CACNA1H: variants seen among roughly 807,000 people sequenced by gnomAD.
CACNA1H encodes calcium voltage-gated channel subunit alpha1 H, also known as voltage-dependent T-type calcium channel subunit alpha-1H.
CACNA1H carries 149 observed loss-of-function variants against 192.5 expected under a neutral mutation model. That is an observed-to-expected ratio of 0.77 (90% CI 0.68 to 0.89). The LOEUF (loss-of-function observed/expected upper bound fraction) is 0.89. Ranked by LOEUF, CACNA1H falls within the 40% of genes least tolerant of loss-of-function variation. The pLI is 0.00. For synonymous variants in CACNA1H, 2,202 were observed against 1,475.2 expected (o/e 1.49, Z -11.29); for missense variants, 4,257 against 3,423.5 (o/e 1.24, Z -6.08).
chr16:1,197,278 G>A (rs1039231568), intron 5 of CACNA1H, among the ~76,000 whole-genome samples: 1 of 152,264 alleles, frequency 6.6e-6, no homozygotes, highest in Non-Finnish European at 1.5e-5. Flanking sequence ...GGGTGGCTGA[G>A]CGTGCGGTGA....
chr16:1,219,251 C>G, intron 34 of CACNA1H, 121 bp downstream of exon 34: 1 of 983,550 alleles, frequency 1.0e-6, no homozygotes, highest in Non-Finnish European at 1.4e-6. Flanking sequence ...GCACTGGGTC[C>G]TTGGGGCTCC....
chr16:1,219,995 C>G lies in CACNA1H; in HGVS notation c.6063C>G (p.Thr2021=), dbSNP rs780400494. The G allele has an allele frequency of 1.5e-6, 2 of 1,342,716 alleles. No homozygotes were observed. The highest frequency in any genetic ancestry group is 1.9e-6 in the Non-Finnish European group (2 of 1,043,628). 83.2% of individuals were successfully genotyped at this position (1,342,716 alleles called of 1,614,324 possible). A position where few individuals can be genotyped will look rare whatever the true frequency, so the allele number is the denominator to read the frequency against. Residue 2021 remains threonine (T), a synonymous_variant, in exon 35 of 35, where the codon ACC becomes ACG. Coordinates refer to ENST00000348261, the MANE Select transcript of CACNA1H (RefSeq NM_021098.3). ...RLLCRQEAVH[T]DSLEGKIDSP... The stretch of plus-strand genomic sequence containing the variant: ...CGCCCCCACAGGAGGCTGTGCACAC[C>G]GATTCCTTGGAAGGGAAGATTGACA...
At chr16:1,186,356 C>T (rs957209691) in intron 2 of CACNA1H, among the ~76,000 whole-genome samples, 4 of 152,136 alleles carry the variant, frequency 2.6e-5, no homozygotes, top group African/African-American at 9.6e-5. Context: ...CTGCCGTGAC[C>T]GCACAGGCCC....
intron 31 of CACNA1H, among the ~76,000 whole-genome samples, chr16:1,217,660 A>G (rs993344080): frequency 6.6e-6 from 1 of 152,166 alleles, no homozygotes; most frequent in Non-Finnish European, 1.5e-5. Context: ...GACACACACA[A>G]TAATGATTCT....
chr16:1,208,268 C>A, intron 16 of CACNA1H, 47 bp downstream of exon 16: 1 of 1,378,624 alleles, frequency 7.3e-7, no homozygotes, highest in Non-Finnish European at 1.0e-6. Flanking sequence ...TCAGGTTTTC[C>A]CTGCCTGGCT....
intron 2 of CACNA1H, among the ~76,000 whole-genome samples, chr16:1,191,383 A>C (rs77845363): frequency 0.01 from 781 of 77,108 alleles, 19 homozygotes; most frequent in African/African-American, 0.026. Context: ...GTGTGGCCTC[A>C]GGCACACTCG....
In CACNA1H at chr16:1,208,422, C is replaced by T. The variant is rs568605786; in HGVS notation, c.3363+201C>T. Among the ~76,000 whole-genome samples the T allele has an allele frequency of 3.6e-4, 55 of 152,296 alleles. 1 individual carries two copies. Among genetic ancestry groups the T allele is most frequent in the Admixed American group, 1.5e-3 (23 of 15,300 alleles). ...GTTGTGTGAGGCCGGTGTGAAGGGG[C>T]AGACGCGGAAGCTCTGTGCGCCCAA... On this transcript the variant is annotated intron_variant, in intron 16 of 34. Transcript: ENST00000348261.
rs1045193258 is a variant in CACNA1H, at chr16:1,211,230, C to T, written c.4286C>T (p.Pro1429Leu). Reference protein sequence around the residue: ...VVETLISSLRPIGNIVLICCA... With the variant: ...VVETLISSLRLIGNIVLICCA... Reference sequence around the variant, plus strand: ...GAGACGCTGATATCATCACTCAGGCCCATTGGGAACATCGTCCTCATCTGC... The same window carrying T: ...GAGACGCTGATATCATCACTCAGGCTCATTGGGAACATCGTCCTCATCTGC... Residue 1429 changes from proline (P) to leucine (L), a missense_variant, in exon 22 of 35, where the codon CCC (proline) becomes CTC (leucine). By Grantham distance (98) the Pro-to-Leu change is moderately conservative. Coordinates refer to ENST00000348261, the MANE Select transcript of CACNA1H (RefSeq NM_021098.3). 1.2e-6 allele frequency: 2 copies of T among 1,613,108 alleles called. No homozygotes were observed. The highest frequency in any genetic ancestry group is 1.7e-6 in the Non-Finnish European group (2 of 1,179,758).
chr16:1,220,961 T>TG lies in CACNA1H; in HGVS notation c.7030dup (p.Ala2344GlyfsTer8). 2 of 1,604,402 alleles carry TG rather than the reference T, an allele frequency of 1.2e-6. No homozygotes were observed. The highest frequency in any genetic ancestry group is 1.7e-6 in the Non-Finnish European group (2 of 1,175,346). On this transcript the variant is annotated frameshift_variant, in exon 35 of 35. Transcript: ENST00000348261. LOFTEE classifies it high-confidence loss of function. ...AACCAGGGTCCCCCTCAGCCACCCC[T>TG]GCCCCAGGGGGTGGTGCAGATGACC...
At chr16:1,195,391 C>G (rs374479163) in intron 3 of CACNA1H, 41 bp from the exon 4 acceptor site, 4 of 1,549,570 alleles carry the variant, frequency 2.6e-6, no homozygotes, top group South Asian at 1.2e-5. Context: ...GTGGGCTGAG[C>G]TGAGCTGTTC....
intron 2 of CACNA1H, among the ~76,000 whole-genome samples, chr16:1,154,551 G>T (rs1000466150): frequency 6.6e-6 from 1 of 152,092 alleles, no homozygotes; most frequent in Non-Finnish European, 1.5e-5. Flanking sequence ...TGTGAGCGCC[G>T]CCAGGGCCTT....
In CACNA1H at chr16:1,168,210, C is replaced by T. The variant is rs76281807; in HGVS notation, c.299+14174C>T. On this transcript the variant is annotated intron_variant, in intron 2 of 34. Transcript: ENST00000348261. ...ATGTGGGATCCCCCCCCCCAAGTGACAGTTTCTGCCCAGCTCACCCCGATG... is the reference window on the plus strand; with the variant it reads ...ATGTGGGATCCCCCCCCCCAAGTGATAGTTTCTGCCCAGCTCACCCCGATG... 4.6e-3 allele frequency among the ~76,000 whole-genome samples: 702 copies of T among 151,908 alleles called. 7 individuals are homozygous for T. The highest frequency in any genetic ancestry group is 0.016 in the African/African-American group (682 of 41,362).
chr16:1,200,545 G>T lies in CACNA1H; in HGVS notation c.1093G>T (p.Gly365Cys), dbSNP rs757422637. Residue 365 changes from glycine (G) to cysteine (C), a missense_variant, in exon 7 of 35, where the codon GGC (glycine) becomes TGC (cysteine). Coordinates refer to ENST00000348261, the MANE Select transcript of CACNA1H (RefSeq NM_021098.3). The part of the protein sequence containing the change: ...HNGAINFDNI[G>C]YAWIAIFQVI... ...CGGTGCCATCAACTTCGACAACATC[G>T]GCTACGCCTGGATTGCCATCTTCCA... The T allele has an allele frequency of 3.1e-6, 5 of 1,612,068 alleles. No individual in the cohort carries two copies. The highest frequency in any genetic ancestry group is 1.7e-5 in the Admixed American group (1 of 59,986).
intron 2 of CACNA1H, 37 bp downstream of exon 2, chr16:1,154,073 GGCGTGGGGAGGGT>G: frequency 1.3e-6 from 1 of 774,488 alleles, no homozygotes; most frequent in Non-Finnish European, 1.7e-6. Context: ...GGGGGCGGGG[GGCGTGGGGAGGGT>G]GGGGGCCCGG....
In CACNA1H at chr16:1,204,147, C is replaced by G; in HGVS notation, c.2140C>G (p.Leu714Val). The G allele has an allele frequency of 6.2e-7, 1 of 1,612,392 alleles. No homozygotes were observed. The change falls in exon 10 of 35, where the codon CTC becomes GTC. Residue 714 changes from leucine (L) to valine (V), a missense_variant. Transcript: ENST00000348261. ...TGCCCTGGAGGACCCGGAGGGTGAGCTCAGCGGCTCGGAAAGTGGAGACTC... is the reference window on the plus strand; with the variant it reads ...TGCCCTGGAGGACCCGGAGGGTGAGGTCAGCGGCTCGGAAAGTGGAGACTC... ...TRALEDPEGE[L>V]SGSESGDSDG...
chr16:1,204,371 C>G lies in CACNA1H; in HGVS notation c.2364C>G (p.Arg788=), dbSNP rs141057161. 2 of 1,568,570 alleles carry G rather than the reference C, an allele frequency of 1.3e-6. No homozygotes were observed. The highest frequency in any genetic ancestry group is 1.7e-6 in the Non-Finnish European group (2 of 1,158,570). ...LWVTFSGKLR[R]IVDSKYFSRG... ...TTACCTTCAGCGGCAAGCTGCGCCG[C>G]ATCGTGGACAGCAAGTACTTCAGCC... The change falls in exon 10 of 35, where the codon CGC becomes CGG. Residue 788 remains arginine (R), a synonymous_variant. Transcript: ENST00000348261.
At chr16:1,177,848 C>G (rs1057270009) in intron 2 of CACNA1H, among the ~76,000 whole-genome samples, 1 of 152,024 alleles carries the variant, frequency 6.6e-6, no homozygotes, top group East Asian at 1.9e-4. Context: ...CCGCTCCTGA[C>G]CTCACCTCAT....
chr16:1,214,591 C>T (rs2141371783), intron 27 of CACNA1H, among the ~76,000 whole-genome samples: 1 of 152,286 alleles, frequency 6.6e-6, no homozygotes, highest in Middle Eastern at 3.4e-3. Context: ...CCCATGTCCC[C>T]ATGTCCCCGA....
intron 6 of CACNA1H, among the ~76,000 whole-genome samples, chr16:1,199,840 C>T (rs907284891): frequency 5.9e-5 from 9 of 152,098 alleles, no homozygotes; most frequent in Non-Finnish European, 8.8e-5. Flanking sequence ...TCCCTCCCCT[C>T]GTCCCTTGCC....
Sources: allele counts gnomAD v4.1 joint callset (sites outside exome capture counted in the v4.1 genomes callset), GRCh38; gene constraint gnomAD v4.1.1; transcripts MANE v1.5; gene names NCBI Gene and HGNC (gene_info 2026-07-23, HGNC 2026-07-21).